UTP15: variants seen among roughly 807,000 people sequenced by gnomAD.
The protein encoded by UTP15 is U3 small nucleolar RNA-associated protein 15 homolog.
A neutral mutation model predicts 59.1 loss-of-function variants in UTP15; 5 were observed. The observed-to-expected ratio is 0.08, with a 90% CI of 0.04 to 0.18. The LOEUF (loss-of-function observed/expected upper bound fraction) is 0.18, where lower values mean the gene tolerates loss of function less well. UTP15 is among the 10% of genes least tolerant of loss of function. The pLI is 1.00. For synonymous variants in UTP15, 211 were observed against 212.2 expected (o/e 0.99, Z 0.05); for missense variants, 494 against 616.7 (o/e 0.80, Z 2.11).
chr5:73,580,211 T>A lies in UTP15; in HGVS notation c.*117T>A, dbSNP rs927109828. 14 of 725,060 alleles carry A rather than the reference T, an allele frequency of 1.9e-5. No individual in the cohort carries two copies. The African/African-American group carries it at 2.2e-4, about 11-fold the overall frequency. 44.9% of individuals were successfully genotyped at this position (725,060 alleles called of 1,614,324 possible). A position where few individuals can be genotyped will look rare whatever the true frequency, so the allele number is the denominator to read the frequency against. ...AAAACTGTTTGCAGAAGCAGTTCTG[T>A]GGAAGAGACTGGAATAATTATGGCC... On this transcript the variant is annotated 3_prime_UTR_variant, in exon 13 of 13. Transcript: ENST00000296792.
chr5:73,576,475 C>A (rs374447221), intron 7 of UTP15, among the ~76,000 whole-genome samples: 2 of 147,582 alleles, frequency 1.4e-5, no homozygotes, highest in East Asian at 4.1e-4. Flanking sequence ...TGGTATACAG[C>A]TCTTTTTTTT....
Position 73,579,082 on chromosome 5 carries a change from A to T in UTP15, c.1212A>T (p.Gly404=), listed in dbSNP as rs343122. The part of the protein sequence containing the change: ...VSIIKELNRR[G]VLANALAGRD... ...TCATAAAGGAGTTAAATCGAAGAGG[A>T]GTCCTTGCAAATGCGCTTGCAGGTC... The change falls in exon 11 of 13, where the codon GGA becomes GGT. Residue 404 remains glycine, a synonymous_variant. Coordinates refer to ENST00000296792, the MANE Select transcript of UTP15 (RefSeq NM_032175.4). 8 of 1,613,804 alleles carry T rather than the reference A, an allele frequency of 5.0e-6. No individual in the cohort carries two copies. The highest frequency in any genetic ancestry group is 6.8e-6 in the Non-Finnish European group (8 of 1,179,798).
Position 73,580,915 on chromosome 5 carries a change from A to G in UTP15, c.*821A>G, listed in dbSNP as rs1489498696. On this transcript the variant is annotated 3_prime_UTR_variant, in exon 13 of 13. Coordinates refer to ENST00000296792, the MANE Select transcript of UTP15 (RefSeq NM_032175.4). ...AGCTAAGCTACCTAATCCTCTGAAA[A>G]CTGTTTTCTCTGATTTGTATTTAGA... The G allele has an allele frequency of 6.6e-6, 1 of 152,126 alleles. No individual in the cohort carries two copies. The highest frequency in any genetic ancestry group is 2.4e-5 in the African/African-American group (1 of 41,430). The allele number at this position is 152,126 out of a possible 1,614,324, so 9.4% of individuals were successfully genotyped here.
chr5:73,571,169 G>C (rs1475220191), intron 6 of UTP15, among the ~76,000 whole-genome samples: 1 of 151,462 alleles, frequency 6.6e-6, no homozygotes, highest in Admixed American at 6.6e-5. Context: ...ATTTAGCCCT[G>C]TGCCATCTTA....
chr5:73,578,291 T>C, intron 9 of UTP15: 1 of 332,122 alleles, frequency 3.0e-6, no homozygotes, highest in Non-Finnish European at 5.5e-6. Context: ...TCCCAAGAAG[T>C]AGTAGAACCA....
chr5:73,577,696 G>A (rs751478162), intron 8 of UTP15, among the ~76,000 whole-genome samples, 160 bp from the exon 9 acceptor site: 3 of 152,088 alleles, frequency 2.0e-5, no homozygotes, highest in African/African-American at 7.2e-5. Flanking sequence ...TCGCTTTAAC[G>A]TCTTGCACCA....
At position 73,580,239 on chromosome 5, in the gene UTP15, A is replaced by C; in HGVS notation, c.*145A>C. ...AAGAGACTGGAATAATTATGGCCGGAAAACAAGTACCCGTTTTAAGTAAGA... is the reference window on the plus strand; with the variant it reads ...AAGAGACTGGAATAATTATGGCCGGCAAACAAGTACCCGTTTTAAGTAAGA... On this transcript the variant is annotated 3_prime_UTR_variant, in exon 13 of 13. Transcript: ENST00000296792. 1.6e-6 allele frequency: 1 copy of C among 619,552 alleles called. No individual in the cohort carries two copies. 38.4% of individuals were successfully genotyped at this position (619,552 alleles called of 1,614,324 possible).
intron 9 of UTP15, 55 bp downstream of exon 9, chr5:73,578,060 G>A: frequency 6.5e-7 from 1 of 1,545,430 alleles, no homozygotes; most frequent in East Asian, 2.3e-5. Context: ...AGAGTAGCCA[G>A]CTTCATCCCT....
At position 73,579,866 on chromosome 5, in the gene UTP15, TC is replaced by T. The variant is rs761807105; in HGVS notation, c.1340-10del. 1.3e-6 allele frequency: 2 copies of T among 1,556,462 alleles called. No homozygotes were observed. Among genetic ancestry groups the T allele is most frequent in the African/African-American group, 2.8e-5 (2 of 72,552 alleles). On this transcript the variant is annotated splice_polypyrimidine_tract_variant and intron_variant, in intron 12 of 12. Transcript: ENST00000296792. ...ATTGCTAGTTAATGTGTTTTCTTTC[TC>T]TCTTTTTAGATATATATCTGCCTGT...
chr5:73,575,244 C>G (rs1015993785), intron 7 of UTP15, among the ~76,000 whole-genome samples: 7 of 152,164 alleles, frequency 4.6e-5, no homozygotes, highest in Non-Finnish European at 1.0e-4. Context: ...AATCATGTTA[C>G]TCGGCAATTT....
In UTP15 at chr5:73,578,999, C is replaced by G. The variant is rs1240355521; in HGVS notation, c.1147-18C>G. ...GTGCTGTTTTGTCTACTCATGTTGA[C>G]TTTGAAAATTTTTCTAGCCCACTTG... is the stretch of plus-strand genomic sequence containing the variant. On this transcript the variant is annotated intron_variant, in intron 10 of 12. Transcript: ENST00000296792. 8 of 1,603,000 alleles carry G rather than the reference C, an allele frequency of 5.0e-6. No homozygotes were observed. The highest frequency in any genetic ancestry group is 6.8e-6 in the Non-Finnish European group (8 of 1,172,412).
chr5:73,572,416 G>A, intron 6 of UTP15, 73 bp from the exon 7 acceptor site: 1 of 1,574,758 alleles, frequency 6.4e-7, no homozygotes, highest in Non-Finnish European at 8.6e-7. Flanking sequence ...GTCCAGAGAA[G>A]AATGCTTTTC....
intron 7 of UTP15, among the ~76,000 whole-genome samples, chr5:73,575,553 CTTTT>C (rs1393553387): frequency 7.1e-6 from 1 of 141,290 alleles, no homozygotes; most frequent in African/African-American, 2.7e-5. Context: ...TTCTTTCTTT[CTTTT>C]TTTTTTTTTA....
chr5:73,581,810 C>T lies in UTP15; in HGVS notation c.*1716C>T, dbSNP rs975817831. 2.0e-5 allele frequency: 3 copies of T among 151,890 alleles called. No individual in the cohort carries two copies. Among genetic ancestry groups the T allele is most frequent in the Admixed American group, 6.6e-5 (1 of 15,250 alleles). The allele number at this position is 151,890 out of a possible 1,614,324, so 9.4% of individuals were successfully genotyped here. On this transcript the variant is annotated 3_prime_UTR_variant, in exon 13 of 13. Coordinates refer to ENST00000296792, the MANE Select transcript of UTP15 (RefSeq NM_032175.4). ...AGTACAGGTATGCTTGGAAATAGGGCGTTTCCTTTTCATGAATTGATTTCG... is the reference window on the plus strand; with the variant it reads ...AGTACAGGTATGCTTGGAAATAGGGTGTTTCCTTTTCATGAATTGATTTCG...
In UTP15 at chr5:73,569,479, T is replaced by C; in HGVS notation, c.369-18T>C. 1.3e-6 allele frequency: 2 copies of C among 1,519,452 alleles called. No individual in the cohort carries two copies. The highest frequency in any genetic ancestry group is 1.8e-6 in the Non-Finnish European group (2 of 1,132,896). The allele number at this position is 1,519,452 out of a possible 1,614,324, so 94.1% of individuals were successfully genotyped here. A position where few individuals can be genotyped will look rare whatever the true frequency, so the allele number is the denominator to read the frequency against. On this transcript the variant is annotated intron_variant, in intron 4 of 12. Transcript: ENST00000296792. ...ATAATTTTCTTGCTTTTTAATATACTGACCTTCAATCTTTCAGAGCAGTTC... is the reference window on the plus strand; with the variant it reads ...ATAATTTTCTTGCTTTTTAATATACCGACCTTCAATCTTTCAGAGCAGTTC...
chr5:73,568,967 CTCT>C (rs1335497876), intron 4 of UTP15, among the ~76,000 whole-genome samples: 1 of 152,092 alleles, frequency 6.6e-6, no homozygotes, highest in African/African-American at 2.4e-5. Flanking sequence ...GTCTTAGAGG[CTCT>C]TATGTTGAAG....
chr5:73,567,964 CT>C (rs879917322), intron 2 of UTP15, among the ~76,000 whole-genome samples: 45 of 151,710 alleles, frequency 3.0e-4, no homozygotes, highest in Middle Eastern at 3.4e-3. Flanking sequence ...GACATGATAA[CT>C]TTTTTTTTCT....
rs146063136 is a variant in UTP15 at position 73,578,847 on chromosome 5, C to G, written c.1141C>G (p.Leu381Val). The change falls in exon 10 of 13, where the codon CTT becomes GTT. Residue 381 changes from leucine (L) to valine (V), a missense_variant. Leu to Val is a conservative substitution (Grantham distance 32). Coordinates refer to ENST00000296792, the MANE Select transcript of UTP15 (RefSeq NM_032175.4). Reference sequence around the variant, plus strand: ...GATCTCTAAGGCACTCGATAGAGTTCTTGATGTGAGTGAGCATTTTTTAAA... The same window carrying G: ...GATCTCTAAGGCACTCGATAGAGTTGTTGATGTGAGTGAGCATTTTTTAAA... ...FRISKALDRV[L>V]DPTCTIKTPE... 385 of 1,605,388 alleles carry G rather than the reference C, an allele frequency of 2.4e-4. 2 individuals carry two copies. In the African/African-American group the frequency reaches 4.5e-3, roughly 19 times the overall value.
chr5:73,578,094 C>A, intron 9 of UTP15, 89 bp downstream of exon 9: 1 of 1,395,502 alleles, frequency 7.2e-7, no homozygotes. Flanking sequence ...AAGCGTAGTT[C>A]ACATGGCACT....
Sources: gnomAD v4.1 joint callset for allele counts (sites outside exome capture counted in the v4.1 genomes callset) on GRCh38, gnomAD v4.1.1 for gene constraint, MANE v1.5 for transcripts, NCBI Gene and HGNC (gene_info 2026-07-23, HGNC 2026-07-21) for gene names.